Variants in TRPM6 observed in about 807,000 individuals in gnomAD.
TRPM6 encodes channel kinase 2.
In TRPM6, 111 loss-of-function variants were observed where a neutral mutation model predicts 247.6. The ratio of observed to expected loss-of-function variants is 0.45; its 90% confidence interval spans 0.38 to 0.52. The LOEUF (loss-of-function observed/expected upper bound fraction) is 0.52, where lower values mean the gene tolerates loss of function less well. Among genes scored for constraint, TRPM6 ranks in the 20% least tolerant of loss-of-function variants. The probability of loss-of-function intolerance (pLI) is 0.00; values close to 1 mark genes in which losing one functional copy is unlikely to be tolerated. For synonymous variants in TRPM6, 892 were observed against 853.8 expected (o/e 1.04, Z -0.78); for missense variants, 2,126 against 2,421.5 (o/e 0.88, Z 2.56).
chr9:74,760,968 CAG>C (rs745571775), intron 27 of TRPM6, among the ~76,000 whole-genome samples: 5 of 152,282 alleles, frequency 3.3e-5, no homozygotes, highest in East Asian at 3.9e-4. Flanking sequence ...TAGGATTTTG[CAG>C]AGAGTCTCTA....
At chr9:74,771,947 T>C (rs1049899895) in intron 24 of TRPM6, 112 bp from the exon 25 acceptor site, 6 of 982,728 alleles carry the variant, frequency 6.1e-6, no homozygotes, top group African/African-American at 1.6e-5. Context: ...GTGATAAGTT[T>C]GTCACCTTGT....
chr9:74,860,578 C>A (rs978073668), intron 1 of TRPM6, among the ~76,000 whole-genome samples: 1 of 152,130 alleles, frequency 6.6e-6, no homozygotes, highest in African/African-American at 2.4e-5. Flanking sequence ...AGACTGGTCT[C>A]AAACTCCTGA....
chr9:74,751,189 A>AT (rs1370861731), intron 29 of TRPM6, among the ~76,000 whole-genome samples: 1 of 152,162 alleles, frequency 6.6e-6, no homozygotes. Flanking sequence ...ATTACCTTGG[A>AT]TTTACCTCAT....
rs146980246 is a variant in TRPM6 at position 74,864,093 on chromosome 9, A to G, written c.34-5345T>C. Among the ~76,000 whole-genome samples the G allele has an allele frequency of 9.3e-3, 1,389 of 149,488 alleles. 15 individuals carry two copies. Among genetic ancestry groups the G allele is most frequent in the Non-Finnish European group, 0.015 (1,043 of 67,996 alleles). On this transcript the variant is annotated intron_variant, in intron 1 of 38. Transcript: ENST00000360774. ...TCTTACACACATCACAGCACTAACA[A>G]TGTTTACTTGCATTCACTGGACCAT...
intron 13 of TRPM6, among the ~76,000 whole-genome samples, chr9:74,809,170 AAAAC>A (rs1337692166): frequency 3.3e-5 from 5 of 152,216 alleles, no homozygotes; most frequent in Admixed American, 6.5e-5. Context: ...GCAATAAAGC[AAAAC>A]AAACAAACAA....
intron 6 of TRPM6, 138 bp from the exon 7 acceptor site, chr9:74,828,087 C>T (rs761624716): frequency 8.1e-5 from 71 of 877,460 alleles, no homozygotes; most frequent in Non-Finnish European, 1.1e-4. Flanking sequence ...GGCATGGTGG[C>T]TCATGCCTGT....
chr9:74,731,412 C>T (rs934432273), intron 37 of TRPM6, among the ~76,000 whole-genome samples: 3 of 151,878 alleles, frequency 2.0e-5, no homozygotes, highest in Non-Finnish European at 4.4e-5. Context: ...ATAATAAAGT[C>T]TTTATGTATA....
intron 5 of TRPM6, 151 bp from the exon 6 acceptor site, chr9:74,834,273 T>C (rs1564036899): frequency 1.5e-5 from 13 of 839,376 alleles, no homozygotes; most frequent in Non-Finnish European, 2.1e-5. Context: ...TCTGATACCT[T>C]GGCTTCCTCT....
intron 5 of TRPM6, among the ~76,000 whole-genome samples, chr9:74,838,238 C>T (rs1296968195): frequency 6.6e-6 from 1 of 152,128 alleles, no homozygotes; most frequent in Non-Finnish European, 1.5e-5. Flanking sequence ...AAAGAAAAAG[C>T]CTTGCCCAAG....
At chr9:74,770,280 T>A (rs1321748022) in intron 25 of TRPM6, among the ~76,000 whole-genome samples, 1 of 152,060 alleles carries the variant, frequency 6.6e-6, no homozygotes, top group Non-Finnish European at 1.5e-5. Context: ...ATATTTGACA[T>A]CAGAAAAAAA....
chr9:74,846,196 T>C (rs73536103), intron 3 of TRPM6, among the ~76,000 whole-genome samples: 4,887 of 152,318 alleles, frequency 0.032, 282 homozygotes, highest in African/African-American at 0.11. Flanking sequence ...GCTGCCTAGA[T>C]ATTAAATTTC....
intron 25 of TRPM6, among the ~76,000 whole-genome samples, chr9:74,766,000 C>A (rs1291425836): frequency 6.6e-6 from 1 of 152,164 alleles, no homozygotes; most frequent in Non-Finnish European, 1.5e-5. Context: ...TGGGAAACAG[C>A]ACAAAATATA....
chr9:74,761,510 G>A (rs1044109470), intron 27 of TRPM6, among the ~76,000 whole-genome samples, 186 bp downstream of exon 27: 3 of 152,092 alleles, frequency 2.0e-5, no homozygotes, highest in African/African-American at 7.2e-5. Context: ...AGAGGTTCAA[G>A]GTCAGCCTGG....
chr9:74,800,368 A>C lies in TRPM6; in HGVS notation c.2124T>G (p.Leu708=), dbSNP rs7859201. The C allele has an allele frequency of 0.39, 636,663 of 1,613,550 alleles. 129,612 individuals carry two copies. Among genetic ancestry groups the C allele is most frequent in the African/African-American group, 0.67 (50,418 of 74,820 alleles). ...ELRNWSNSTC[L]KLAVSGGLRP... ...GTAATCCTCCCGACACGGCCAGTTT[A>C]AGGCAGGTCGAATTGCTCCAGTTCC... The change falls in exon 17 of 39, where the codon CTT becomes CTG. Residue 708 remains leucine (L), a synonymous_variant. Transcript: ENST00000360774.
At chr9:74,837,528 C>A (rs113828493) in intron 5 of TRPM6, among the ~76,000 whole-genome samples, 8,392 of 151,906 alleles carry the variant, frequency 0.055, 765 homozygotes, top group African/African-American at 0.19. Context: ...CTCGCTGCAA[C>A]CTCCGCCTCC....
At chr9:74,869,951 C>G (rs1437124173) in intron 1 of TRPM6, among the ~76,000 whole-genome samples, 2 of 152,106 alleles carry the variant, frequency 1.3e-5, no homozygotes, top group Non-Finnish European at 2.9e-5. Context: ...TATCCATGTT[C>G]TATAGAAACT....
chr9:74,786,241 C>G, intron 20 of TRPM6, 116 bp from the exon 21 acceptor site: 1 of 1,130,252 alleles, frequency 8.8e-7, no homozygotes, highest in Non-Finnish European at 1.3e-6. Context: ...ACCTGCCAAA[C>G]CTTAAATCAC....
At chr9:74,843,374 C>T (rs555934181) in intron 3 of TRPM6, among the ~76,000 whole-genome samples, 7 of 152,222 alleles carry the variant, frequency 4.6e-5, no homozygotes, top group African/African-American at 1.7e-4. Context: ...TTTTGACCTC[C>T]TCCCATGAAT....
rs553325943 is a variant in TRPM6, at chr9:74,792,884, C to T, written c.2392-114G>A. 6.7e-5 allele frequency: 69 copies of T among 1,035,076 alleles called. No individual in the cohort carries two copies. The East Asian group carries it at 7.7e-4, about 12-fold the overall frequency. The allele number at this position is 1,035,076 out of a possible 1,614,324, so 64.1% of individuals were successfully genotyped here. A position where few individuals can be genotyped will look rare whatever the true frequency, so the allele number is the denominator to read the frequency against. ...ATATTAGAAATTAGTTGGCTGGGGG[C>T]GGTGGCTCACACCTGTAATCCCAGC... On this transcript the variant is annotated intron_variant, in intron 18 of 38. Coordinates refer to ENST00000360774, the MANE Select transcript of TRPM6 (RefSeq NM_017662.5).
Sources: allele counts gnomAD v4.1 joint callset (sites outside exome capture counted in the v4.1 genomes callset), GRCh38; gene constraint gnomAD v4.1.1; transcripts MANE v1.5; gene names NCBI Gene and HGNC (gene_info 2026-07-23, HGNC 2026-07-21).